MKI67: variants seen among roughly 807,000 people sequenced by gnomAD.
MKI67 encodes the protein marker of proliferation Ki-67, also known as proliferation marker protein Ki-67.
A neutral mutation model predicts 233.5 loss-of-function variants in MKI67; 152 were observed. That is an observed-to-expected ratio of 0.65 (90% CI 0.57 to 0.74). MKI67 has a LOEUF of 0.74. Among genes scored for constraint, MKI67 ranks in the 30% least tolerant of loss-of-function variants. The pLI, the probability that MKI67 is intolerant of heterozygous loss-of-function variation, is 0.00. For missense variants in MKI67, 3,940 were observed against 3,885.2 expected (o/e 1.01, Z -0.37); for synonymous variants, 1,465 against 1,418.5 (o/e 1.03, Z -0.74).
rs776064157 is a variant in MKI67, at chr10:128,107,547, G to A, written c.4293C>T (p.Ile1431=). ...GTTTTGCAGTTTCCCTAAACGCGTT[G>A]ATGCTTTTATCCTCACCTCCTGGTA... ...DKVPGGEDKS[I]NAFRETAKQK... The change falls in exon 13 of 15, where the codon ATC becomes ATT. Residue 1431 remains isoleucine (I), a synonymous_variant. Transcript: ENST00000368654. 5.1e-5 allele frequency: 83 copies of A among 1,613,992 alleles called. No individual in the cohort carries two copies. The Middle Eastern group carries it at 6.6e-4, about 13-fold the overall frequency.
intron 14 of MKI67, among the ~76,000 whole-genome samples, chr10:128,100,877 T>G (rs1564996912): frequency 6.6e-6 from 1 of 152,058 alleles, no homozygotes; most frequent in Non-Finnish European, 1.5e-5. Context: ...GTTTCAATAG[T>G]TTTTTTTGGA....
At chr10:128,110,896 C>A (rs555403417) in intron 11 of MKI67, among the ~76,000 whole-genome samples, 1 of 152,318 alleles carries the variant, frequency 6.6e-6, no homozygotes, top group African/African-American at 2.4e-5. Context: ...GGCCAAATGC[C>A]TTCATGCTTC....
Position 128,104,113 on chromosome 10 carries a change from A to G in MKI67, c.7727T>C (p.Met2576Thr), listed in dbSNP as rs1852413937. Residue 2576 changes from methionine to threonine, a missense_variant, in exon 13 of 15, where the codon ATG becomes ACG. Transcript: ENST00000368654. The part of the protein sequence containing the change: ...FSAPGHTEES[M>T]TIDKNTKIPC... ...AATTTTTGTGTTTTTGTCAATAGTCATTGACTCTTCAGTGTGACCTGGTGC... is the reference window on the plus strand; with the variant it reads ...AATTTTTGTGTTTTTGTCAATAGTCGTTGACTCTTCAGTGTGACCTGGTGC... 6.2e-7 allele frequency: 1 copy of G among 1,613,898 alleles called. No homozygotes were observed. The highest frequency in any genetic ancestry group is 1.3e-5 in the African/African-American group (1 of 74,856).
intron 6 of MKI67, 75 bp downstream of exon 6, chr10:128,116,416 G>T: frequency 1.5e-6 from 2 of 1,309,008 alleles, no homozygotes; most frequent in Non-Finnish European, 2.2e-6. Context: ...CATTCTTGTT[G>T]CCCCTTCTTT....
rs939771575 is a variant in MKI67 at position 128,115,795 on chromosome 10, CT to C, written c.612del (p.Glu205LysfsTer7). On this transcript the variant is annotated frameshift_variant, in exon 7 of 15. Transcript: ENST00000368654. LOFTEE classifies it high-confidence loss of function. ...CTCACTAATTTAACGCTGGAAATTTCTTTAAAATCCCCAGAAATGGGATCAG... is the reference window on the plus strand; with the variant it reads ...CTCACTAATTTAACGCTGGAAATTTCTTAAAATCCCCAGAAATGGGATCAG... ...NAADPISGDF[K>X]EISSVKLVSR... is the part of the protein sequence containing the mutation. 3.1e-6 allele frequency: 5 copies of C among 1,611,794 alleles called. No individual in the cohort carries two copies. The highest frequency in any genetic ancestry group is 3.3e-5 in the Admixed American group (2 of 60,004).
chr10:128,115,034 C>G lies in MKI67; in HGVS notation c.1374G>C (p.Lys458Asn), dbSNP rs1422156254. Reference protein sequence around the residue: ...WLTQVERKIQKDSLSKPEKLG... With the variant: ...WLTQVERKIQNDSLSKPEKLG... ...ATTTCTCAGGCTTGCTGAGGGAATC[C>G]TTTTGGATCTTCCTCTCAACTTGAG... The change falls in exon 7 of 15, where the codon AAG becomes AAC. Residue 458 changes from lysine to asparagine, a missense_variant. Coordinates refer to ENST00000368654, the MANE Select transcript of MKI67 (RefSeq NM_002417.5). The G allele has an allele frequency of 6.2e-7, 1 of 1,612,922 alleles. No homozygotes were observed. Among genetic ancestry groups the G allele is most frequent in the Admixed American group, 1.7e-5 (1 of 60,006 alleles).
chr10:128,103,899 C>T lies in MKI67; in HGVS notation c.7941G>A (p.Lys2647=), dbSNP rs758512790. ...ASGDEGIKVL[K]QRAKKKPNPV... is the part of the protein sequence containing the mutation. ...GGTTTGGTTTCTTCTTTGCACGTTG[C>T]TTCAATACTTTGATGCCCTCATCAC... Residue 2647 remains lysine (K), a synonymous_variant, in exon 13 of 15, where the codon AAG becomes AAA. Transcript: ENST00000368654. 3.1e-6 allele frequency: 5 copies of T among 1,613,946 alleles called. No individual in the cohort carries two copies. The highest frequency in any genetic ancestry group is 4.2e-6 in the Non-Finnish European group (5 of 1,180,002).
intron 4 of MKI67, among the ~76,000 whole-genome samples, chr10:128,120,294 C>A (rs945554931): frequency 6.6e-6 from 1 of 152,064 alleles, no homozygotes; most frequent in African/African-American, 2.4e-5. Context: ...AGTTCAAGAC[C>A]AGCCTGGCCA....
chr10:128,119,220 C>T (rs758860536), intron 5 of MKI67, 33 bp downstream of exon 5: 9 of 1,478,904 alleles, frequency 6.1e-6, no homozygotes, highest in African/African-American at 2.8e-5. Context: ...ATCATCGAAA[C>T]GAATCAGCCC....
In MKI67 at chr10:128,103,608, T is replaced by C. The variant is rs370719032; in HGVS notation, c.8232A>G (p.Gln2744=). The part of the protein sequence containing the change: ...KEEPSAVKFT[Q]TSGETTDADK... ...CTGCATCCGTGGTTTCCCCTGATGT[T>C]TGTGTGAACTTGACTGCTGAAGGCT... is the stretch of plus-strand genomic sequence containing the variant. The change falls in exon 13 of 15, where the codon CAA becomes CAG. Residue 2744 remains glutamine (Q), a synonymous_variant. Transcript: ENST00000368654. 9 of 1,614,058 alleles carry C rather than the reference T, an allele frequency of 5.6e-6. No individual in the cohort carries two copies. The African/African-American group carries it at 9.3e-5, about 17-fold the overall frequency.
Position 128,107,589 on chromosome 10 carries a change from G to C in MKI67, c.4251C>G (p.Thr1417=). 1 of 1,614,034 alleles carries C rather than the reference G, an allele frequency of 6.2e-7. No individual in the cohort carries two copies. The highest frequency in any genetic ancestry group is 8.5e-7 in the Non-Finnish European group (1 of 1,180,016). Residue 1417 remains threonine (T), a synonymous_variant, in exon 13 of 15, where the codon ACC becomes ACG. Coordinates refer to ENST00000368654, the MANE Select transcript of MKI67 (RefSeq NM_002417.5). ...CTCCTGGTACTTTATCTGTGTGTGT[G>C]GTTTCCCCTGATGTCTGTGTGAGCT... is the stretch of plus-strand genomic sequence containing the variant. ...LKKLTQTSGE[T]THTDKVPGGE... is the part of the protein sequence containing the mutation.
Position 128,103,824 on chromosome 10 carries a change from C to G in MKI67, c.8016G>C (p.Lys2672Asn), listed in dbSNP as rs1564999757. The G allele has an allele frequency of 6.2e-7, 1 of 1,612,698 alleles. No homozygotes were observed. Among genetic ancestry groups the G allele is most frequent in the Admixed American group, 1.7e-5 (1 of 59,920 alleles). ...SRRRPRAPKE[K>N]AQPLEDLAGF... Reference sequence around the variant, plus strand: ...CGGCCAGGTCTTCCAGGGGTTGGGCCTTTTCCTTAGGTGCTCTTGGCCTTC... The same window carrying G: ...CGGCCAGGTCTTCCAGGGGTTGGGCGTTTTCCTTAGGTGCTCTTGGCCTTC... Residue 2672 changes from lysine (K) to asparagine (N), a missense_variant, in exon 13 of 15, where the codon AAG becomes AAC. Coordinates refer to ENST00000368654, the MANE Select transcript of MKI67 (RefSeq NM_002417.5).
rs141964620 is a variant in MKI67, at chr10:128,107,556, A to C, written c.4284T>G (p.Asp1428Glu). The C allele has an allele frequency of 6.2e-7, 1 of 1,613,956 alleles. No individual in the cohort carries two copies. The highest frequency in any genetic ancestry group is 8.5e-7 in the Non-Finnish European group (1 of 1,179,990). ...THTDKVPGGE[D>E]KSINAFRETA... ...TTTCCCTAAACGCGTTGATGCTTTTATCCTCACCTCCTGGTACTTTATCTG... is the reference window on the plus strand; with the variant it reads ...TTTCCCTAAACGCGTTGATGCTTTTCTCCTCACCTCCTGGTACTTTATCTG... The change falls in exon 13 of 15, where the codon GAT becomes GAG. Residue 1428 changes from aspartate to glutamate, a missense_variant. Coordinates refer to ENST00000368654, the MANE Select transcript of MKI67 (RefSeq NM_002417.5).
Position 128,101,435 on chromosome 10 carries a change from C to T in MKI67, c.9528G>A (p.Gln3176=). The T allele has an allele frequency of 6.2e-7, 1 of 1,614,224 alleles. No homozygotes were observed. Among genetic ancestry groups the T allele is most frequent in the Non-Finnish European group, 8.5e-7 (1 of 1,180,042 alleles). The stretch of plus-strand genomic sequence containing the variant: ...TCTGCATGAGAACCTTCGCACTCTT[C>T]TGCCCTCCGCTCTCCTCTGCCACCT... ...QPKVAEESGG[Q]KSAKVLMQNQ... Residue 3176 remains glutamine (Q), a synonymous_variant, in exon 14 of 15, where the codon CAG becomes CAA. Coordinates refer to ENST00000368654, the MANE Select transcript of MKI67 (RefSeq NM_002417.5).
At chr10:128,114,781 C>T (rs1476356892) in intron 7 of MKI67, 147 bp downstream of exon 7, 2 of 722,366 alleles carry the variant, frequency 2.8e-6, no homozygotes, top group South Asian at 2.5e-5. Context: ...TTAGCGAAAA[C>T]AGCGTGCGTG....
Position 128,107,643 on chromosome 10 carries a change from G to T in MKI67, c.4197C>A (p.Asp1399Glu). 6.2e-7 allele frequency: 1 copy of T among 1,613,976 alleles called. No homozygotes were observed. Among genetic ancestry groups the T allele is most frequent in the Non-Finnish European group, 8.5e-7 (1 of 1,180,026 alleles). The change falls in exon 13 of 15, where the codon GAC (aspartate) becomes GAA (glutamate). Residue 1399 changes from aspartate to glutamate, a missense_variant. Asp to Glu is a conservative substitution (Grantham distance 45). Coordinates refer to ENST00000368654, the MANE Select transcript of MKI67 (RefSeq NM_002417.5). ...TCAGGGCTGAGAGCTCCTTCTGTAC[G>T]TCCCTTTTCTCCAAAGGTGTCTTGG... ...RQPKTPLEKR[D>E]VQKELSALKK...
At chr10:128,118,318 C>T (rs1291811379) in intron 5 of MKI67, among the ~76,000 whole-genome samples, 2 of 151,632 alleles carry the variant, frequency 1.3e-5, no homozygotes, top group East Asian at 1.9e-4. Flanking sequence ...ATTGCTTGAA[C>T]CCAGGAGGCG....
intron 5 of MKI67, 36 bp from the exon 6 acceptor site, chr10:128,116,572 G>A (rs748176719): frequency 6.3e-7 from 1 of 1,583,526 alleles, no homozygotes; most frequent in South Asian, 1.1e-5. Context: ...TTATTTGCAG[G>A]TCTTTCTAAA....
chr10:128,123,186 A>G lies in MKI67; in HGVS notation c.93-17T>C, dbSNP rs1195744650. 1 of 1,599,548 alleles carries G rather than the reference A, an allele frequency of 6.3e-7. No individual in the cohort carries two copies. The highest frequency in any genetic ancestry group is 8.6e-7 in the Non-Finnish European group (1 of 1,168,922). On this transcript the variant is annotated splice_polypyrimidine_tract_variant and intron_variant, in intron 2 of 14. Coordinates refer to ENST00000368654, the MANE Select transcript of MKI67 (RefSeq NM_002417.5). Reference sequence around the variant, plus strand: ...TCAATACCCCTTCATGCAAAAGAAGAAGGTTTTTTTGGTTGCTGCAACTTT... The same window carrying G: ...TCAATACCCCTTCATGCAAAAGAAGGAGGTTTTTTTGGTTGCTGCAACTTT...
Sources: allele counts gnomAD v4.1 joint callset (sites outside exome capture counted in the v4.1 genomes callset), GRCh38; gene constraint gnomAD v4.1.1; transcripts MANE v1.5; gene names NCBI Gene and HGNC (gene_info 2026-07-23, HGNC 2026-07-21).